LINGO2: variants seen among roughly 807,000 people sequenced by gnomAD.
LINGO2 encodes the protein leucine-rich repeat and immunoglobulin-like domain-containing nogo receptor-interacting protein 2.
Under a neutral mutation model 30.6 loss-of-function variants are expected in LINGO2, and 14 were observed. That is an observed-to-expected ratio of 0.46 (90% CI 0.30 to 0.72). LINGO2 has a LOEUF of 0.72. LINGO2 is among the 30% of genes least tolerant of loss of function. LINGO2 has a pLI of 0.07. For synonymous variants in LINGO2, 317 were observed against 288.5 expected (o/e 1.10, Z -1.00); for missense variants, 729 against 751.7 (o/e 0.97, Z 0.35).
chr9:28,371,962 G>A (rs1587560610), intron 3 of LINGO2, among the ~76,000 whole-genome samples: 1 of 152,168 alleles, frequency 6.6e-6, no homozygotes, highest in South Asian at 2.1e-4. Context: ...GTAGGGTTGC[G>A]AATCTGTTGA....
At chr9:28,863,594 T>C in the LINGO2 span, 1 of 525,976 alleles carries the variant, frequency 1.9e-6, no homozygotes, top group Non-Finnish European at 3.9e-6. Flanking sequence ...AATCTTAGGC[T>C]TCATGGTGTA....
At chr9:28,931,988 G>A in the LINGO2 span, among the ~76,000 whole-genome samples, 2 of 151,590 alleles carry the variant, frequency 1.3e-5, no homozygotes, top group East Asian at 3.9e-4. Flanking sequence ...CGCACCTGTA[G>A]TCCCAGCAGC....
the LINGO2 span, among the ~76,000 whole-genome samples, chr9:28,926,286 C>T: frequency 6.6e-6 from 1 of 152,054 alleles, no homozygotes; most frequent in African/African-American, 2.4e-5. Flanking sequence ...TGCACTCCAG[C>T]CTGGGGGATA....
chr9:28,355,303 C>CTG (rs1820136652), intron 3 of LINGO2, among the ~76,000 whole-genome samples: 17 of 20,988 alleles, frequency 8.1e-4, no homozygotes, highest in East Asian at 1.5e-3. Context: ...CTCTATGTCT[C>CTG]TCTCTCTCTC....
At chr9:28,068,743 A>G (rs1587804802) in intron 4 of LINGO2, among the ~76,000 whole-genome samples, 1 of 152,310 alleles carries the variant, frequency 6.6e-6, no homozygotes, top group East Asian at 1.9e-4. Context: ...AGTCTCAGAC[A>G]GGGAAAGCCA....
At chr9:28,978,316 T>A in the LINGO2 span, among the ~76,000 whole-genome samples, 19 of 152,136 alleles carry the variant, frequency 1.2e-4, no homozygotes, top group Non-Finnish European at 2.2e-4. Flanking sequence ...CAACTGTAAC[T>A]AAAAATAGTG....
At chr9:27,960,410 GAC>G (rs1249293116) in intron 5 of LINGO2, among the ~76,000 whole-genome samples, 1 of 152,124 alleles carries the variant, frequency 6.6e-6, no homozygotes, top group Non-Finnish European at 1.5e-5. Flanking sequence ...CATCTAAACA[GAC>G]AATATTTGCT....
rs550117657 is a variant in LINGO2, at chr9:28,188,080, C to T, written c.-87+107128G>A. ...TTTAATATTTCCCTGCTATTTGCTC[C>T]GGACTCTAAATGTTTCTACTTGGCC... is the stretch of plus-strand genomic sequence containing the variant. On this transcript the variant is annotated intron_variant, in intron 4 of 5. Coordinates refer to ENST00000379992, the Ensembl canonical transcript of LINGO2. Among the ~76,000 whole-genome samples, 13 of 152,220 alleles carry T rather than the reference C, an allele frequency of 8.5e-5. 1 individual carries two copies. The highest frequency in any genetic ancestry group is 1.3e-4 in the Non-Finnish European group (9 of 68,006).
chr9:28,506,411 TATATATATATACACACACACAC>T (rs1820119191), intron 1 of LINGO2, among the ~76,000 whole-genome samples: 6 of 7,312 alleles, frequency 8.2e-4, no homozygotes, highest in African/African-American at 1.2e-3. Flanking sequence ...TATATATATA[TATATATATATACACACACACAC>T]ACACACACAC....
rs1823436416 is a variant in LINGO2, at chr9:28,284,466, G to A, written c.-87+10742C>T. On this transcript the variant is annotated intron_variant, in intron 4 of 5. Transcript: ENST00000379992. ...TTCTTCTCCTAATATGGTTTTAGAT[G>A]GCATGTTGTAGATGAATGCTGTCAG... 2.0e-5 allele frequency among the ~76,000 whole-genome samples: 3 copies of A among 152,118 alleles called. 1 individual carries two copies. In the South Asian group the frequency reaches 6.3e-4, roughly 32 times the overall value.
At chr9:29,172,877 T>TA in the LINGO2 span, among the ~76,000 whole-genome samples, 1 of 152,070 alleles carries the variant, frequency 6.6e-6, no homozygotes, top group African/African-American at 2.4e-5. Context: ...ATTCTGTACT[T>TA]AAGAGTCATA....
At chr9:29,136,393 TA>T in the LINGO2 span, among the ~76,000 whole-genome samples, 69 of 152,318 alleles carry the variant, frequency 4.5e-4, no homozygotes, top group Non-Finnish European at 8.5e-4. Context: ...TTAGAAATGT[TA>T]TCTATACCTC....
intron 5 of LINGO2, among the ~76,000 whole-genome samples, chr9:27,957,148 C>G (rs1819610977): frequency 6.6e-6 from 1 of 152,072 alleles, no homozygotes; most frequent in African/African-American, 2.4e-5. Flanking sequence ...TTCCCTATAA[C>G]ATTACCTGGG....
At chr9:28,504,357 A>G (rs1316285182) in intron 1 of LINGO2, among the ~76,000 whole-genome samples, 1 of 151,890 alleles carries the variant, frequency 6.6e-6, no homozygotes, top group Admixed American at 6.6e-5. Context: ...ATATAGTAAC[A>G]TAAGCAGCAA....
rs117143417 is a variant in LINGO2, at chr9:28,523,230, T to C, written c.-364-47205A>G. 8.2e-3 allele frequency among the ~76,000 whole-genome samples: 1,236 copies of C among 151,574 alleles called. 10 individuals carry two copies. The highest frequency in any genetic ancestry group is 0.014 in the Non-Finnish European group (924 of 67,804). ...GGCAAAATCCACATGATCCTCTCAG[T>C]AGATTTAGAAGTGCAGCTTGAAAAA... is the stretch of plus-strand genomic sequence containing the variant. On this transcript the variant is annotated intron_variant, in intron 1 of 5. Transcript: ENST00000379992.
the LINGO2 span, among the ~76,000 whole-genome samples, chr9:29,098,583 T>A: frequency 1.3e-5 from 2 of 151,956 alleles, no homozygotes; most frequent in Non-Finnish European, 2.9e-5. Flanking sequence ...CGTGAAAAAC[T>A]GGAGAACGTA....
chr9:28,864,235 AT>A, the LINGO2 span, among the ~76,000 whole-genome samples: 3 of 152,114 alleles, frequency 2.0e-5, no homozygotes, highest in African/African-American at 7.2e-5. Context: ...TGAACTTAAA[AT>A]AAAAGTTCAA....
chr9:28,149,361 G>A (rs1169324560), intron 4 of LINGO2: 5 of 441,188 alleles, frequency 1.1e-5, no homozygotes, highest in Admixed American at 4.1e-5. Flanking sequence ...CACCGTCTGG[G>A]AAGTGAGGAG....
chr9:28,611,829 A>T (rs542636493), intron 1 of LINGO2, among the ~76,000 whole-genome samples: 42 of 149,246 alleles, frequency 2.8e-4, no homozygotes, highest in East Asian at 2.0e-3. Context: ...TTATTTATTT[A>T]TTTTTTTTTG....
Sources: gnomAD v4.1 joint callset for allele counts (sites outside exome capture counted in the v4.1 genomes callset) on GRCh38, gnomAD v4.1.1 for gene constraint, MANE v1.5 for transcripts, NCBI Gene and HGNC (gene_info 2026-07-23, HGNC 2026-07-21) for gene names.